APC: variants seen among roughly 807,000 people sequenced by gnomAD.
APC encodes the protein APC regulator of Wnt signaling pathway, also known as adenomatous polyposis coli protein.
In APC, 72 loss-of-function variants were observed where a neutral mutation model predicts 247.0. The ratio of observed to expected loss-of-function variants is 0.29; its 90% CI spans 0.24 to 0.35. The LOEUF (loss-of-function observed/expected upper bound fraction) is 0.35, where lower values mean the gene tolerates loss of function less well. Among genes scored for constraint, APC ranks in the 10% least tolerant of loss-of-function variants. The pLI, the probability that APC is intolerant of heterozygous loss-of-function variation, is 1.00. For synonymous variants in APC, 1,254 were observed against 1,162.5 expected (o/e 1.08, Z -1.60); for missense variants, 3,400 against 3,360.7 (o/e 1.01, Z -0.29).
intron 8 of APC, among the ~76,000 whole-genome samples, chr5:112,801,767 T>A (rs1445697599): frequency 1.3e-5 from 2 of 152,136 alleles, no homozygotes; most frequent in African/African-American, 4.8e-5. Context: ...TGGTTTTTTT[T>A]AAAGTTATAA....
chr5:112,829,493 AAACTCCTAAAGTACTAAGGT>A (rs1463141858), intron 14 of APC: 1 of 162,730 alleles, frequency 6.1e-6, no homozygotes, highest in Non-Finnish European at 1.3e-5. Flanking sequence ...AGAGTACCGC[AAACTCCTAAAGTACTAAGGT>A]AGAAAAGATT....
intron 2 of APC, among the ~76,000 whole-genome samples, chr5:112,756,957 A>G (rs1015639395): frequency 6.6e-6 from 1 of 152,170 alleles, no homozygotes; most frequent in Non-Finnish European, 1.5e-5. Context: ...TGCTCCATTG[A>G]GCATTTCGTT....
rs1408572186 is a variant in APC, at chr5:112,840,398, C to T, written c.4804C>T (p.Pro1602Ser). Reference sequence around the variant, plus strand: ...GCCAGCCCAGACTGCTTCAAAATTACCTCCACCTGTGGCAAGGAAACCAAG... The same window carrying T: ...GCCAGCCCAGACTGCTTCAAAATTATCTCCACCTGTGGCAAGGAAACCAAG... ...KKPAQTASKLPPPVARKPSQL... is the reference protein window; with the variant it reads ...KKPAQTASKLSPPVARKPSQL... The change falls in exon 16 of 16, where the codon CCT becomes TCT. Residue 1602 changes from proline (P) to serine (S), a missense_variant. Physicochemically the swap from Pro to Ser is moderately conservative, Grantham distance 74. Around this residue, in one of 9 missense-constraint regions of APC, gnomAD observed 1,788 missense variants for 1,649.5 expected, o/e 1.08. Coordinates refer to ENST00000257430, the MANE Select transcript of APC (RefSeq NM_000038.6). This position sits in a 1 kb window ranked among gnomAD's most constrained non-coding sequence, Gnocchi z 4.1. 1 of 1,614,182 alleles carries T rather than the reference C, an allele frequency of 6.2e-7. No homozygotes were observed.
intron 1 of APC, among the ~76,000 whole-genome samples, chr5:112,743,964 A>G (rs942722821): frequency 1.3e-5 from 2 of 151,990 alleles, no homozygotes; most frequent in Admixed American, 6.6e-5. Context: ...TGAGCCTCCC[A>G]AGTAGCTAGG....
At chr5:112,813,837 G>C (rs1206591298) in intron 8 of APC, among the ~76,000 whole-genome samples, 1 of 152,008 alleles carries the variant, frequency 6.6e-6, no homozygotes, top group Non-Finnish European at 1.5e-5. Context: ...GTTGGTTCCA[G>C]AATTCTCCCC....
chr5:112,726,476 T>G (rs1251284203), intron 1 of APC, among the ~76,000 whole-genome samples: 1 of 152,208 alleles, frequency 6.6e-6, no homozygotes, highest in African/African-American at 2.4e-5. Context: ...TCTGCTGTGC[T>G]GTTTTGCTGT....
chr5:112,709,005 G>A (rs562910748), intron 1 of APC, among the ~76,000 whole-genome samples: 48 of 152,314 alleles, frequency 3.2e-4, no homozygotes, highest in Admixed American at 1.2e-3. Flanking sequence ...TCTTTCCCTG[G>A]ATGGAAGGGT....
chr5:112,774,033 A>G (rs746228885), intron 4 of APC, among the ~76,000 whole-genome samples: 1 of 152,200 alleles, frequency 6.6e-6, no homozygotes, highest in Non-Finnish European at 1.5e-5. Context: ...TATATATTCT[A>G]GGAATTTCTT....
At position 112,845,032 on chromosome 5, in the gene APC, ATAAT is replaced by A. The variant is rs967943431; in HGVS notation, c.*908_*911del. 85 of 232,380 alleles carry A rather than the reference ATAAT, an allele frequency of 3.7e-4. No homozygotes were observed. The highest frequency in any genetic ancestry group is 1.8e-3 in the African/African-American group (80 of 45,406). 14.4% of individuals were successfully genotyped at this position (232,380 alleles called of 1,614,324 possible). On this transcript the variant is annotated 3_prime_UTR_variant, in exon 16 of 16. Coordinates refer to ENST00000257430, the MANE Select transcript of APC (RefSeq NM_000038.6). ...AGGGTCTTGTTTCACATTTGTATTA[ATAAT>A]TGTTTAAAATGCCTCTTTTAAAAGC...
chr5:112,737,553 G>C (rs946908703), upstream of APC, among the ~76,000 whole-genome samples: 1 of 152,084 alleles, frequency 6.6e-6, no homozygotes, highest in South Asian at 2.1e-4. Flanking sequence ...TCCCACCTCC[G>C]GCATCTTGTG....
intron 8 of APC, among the ~76,000 whole-genome samples, chr5:112,814,658 C>G (rs563539840): frequency 6.6e-6 from 1 of 150,980 alleles, no homozygotes; most frequent in South Asian, 2.1e-4. Context: ...CCTGTGATCT[C>G]TCCGTGCTGT....
intron 6 of APC, among the ~76,000 whole-genome samples, chr5:112,781,332 GAAGT>G (rs565720079): frequency 8.1e-4 from 124 of 152,338 alleles, no homozygotes; most frequent in African/African-American, 2.8e-3. Context: ...TAGGAGAGAT[GAAGT>G]AAGTTGTATG....
At chr5:112,835,865 G>A (rs1216457482) in intron 15 of APC, among the ~76,000 whole-genome samples, 9 of 151,688 alleles carry the variant, frequency 5.9e-5, no homozygotes, top group Admixed American at 1.3e-4. Context: ...GAGCCACCGC[G>A]CCCGGCCAAT....
At chr5:112,749,108 A>G (rs2149715952) in intron 1 of APC, among the ~76,000 whole-genome samples, 1 of 152,236 alleles carries the variant, frequency 6.6e-6, no homozygotes, top group East Asian at 1.9e-4. Context: ...ACACATATAA[A>G]TGATCTTATA....
intron 15 of APC, among the ~76,000 whole-genome samples, chr5:112,835,761 A>G (rs887996998): frequency 1.3e-5 from 2 of 151,680 alleles, no homozygotes; most frequent in Admixed American, 6.6e-5. Flanking sequence ...TTTGGTAGAG[A>G]TGGGGTTTCA....
At chr5:112,727,792 A>G (rs1751874211) in intron 1 of APC, among the ~76,000 whole-genome samples, 1 of 152,150 alleles carries the variant, frequency 6.6e-6, no homozygotes, top group Non-Finnish European at 1.5e-5. Context: ...GTAAAATGAT[A>G]TCTTTATGAA....
At chr5:112,785,860 A>C (rs373376652) in intron 6 of APC, among the ~76,000 whole-genome samples, 1 of 152,284 alleles carries the variant, frequency 6.6e-6, no homozygotes, top group Non-Finnish European at 1.5e-5. Context: ...TGAAAAATAA[A>C]TCTAAAATTA....
intron 8 of APC, among the ~76,000 whole-genome samples, chr5:112,801,657 A>G (rs1344229727): frequency 6.6e-6 from 1 of 152,058 alleles, no homozygotes; most frequent in African/African-American, 2.4e-5. Flanking sequence ...AATAACTCTA[A>G]GCTGCATTTT....
intron 15 of APC, among the ~76,000 whole-genome samples, chr5:112,835,898 C>G (rs1451557189): frequency 6.6e-6 from 1 of 151,056 alleles, no homozygotes; most frequent in Non-Finnish European, 1.5e-5. Flanking sequence ...ATTTAGCTAA[C>G]AGCCATTCAT....
Sources: allele counts gnomAD v4.1 joint callset (sites outside exome capture counted in the v4.1 genomes callset), GRCh38; gene constraint gnomAD v4.1.1; regional missense constraint gnomAD v4.1.1; non-coding constraint Gnocchi (gnomAD v3.1); transcripts MANE v1.5; gene names NCBI Gene and HGNC (gene_info 2026-07-23, HGNC 2026-07-21).